The following SERINC2 variants were observed in gnomAD, a reference collection of about 807,000 sequenced individuals.
The protein encoded by SERINC2 is serine incorporator 2, also known as tumor differentially expressed protein 2.
SERINC2 carries 56 observed loss-of-function variants against 54.2 expected under a neutral mutation model. The ratio of observed to expected loss-of-function variants is 1.03; its 90% CI spans 0.83 to 1.29. The LOEUF (loss-of-function observed/expected upper bound fraction) is 1.29. Ranked by LOEUF, SERINC2 falls within the 50% of genes most tolerant of loss-of-function variation. SERINC2 has a pLI of 0.00. For synonymous variants in SERINC2, 272 were observed against 253.1 expected, an observed-to-expected ratio of 1.07 and a Z score of -0.71; for missense variants, 614 against 607.4, an observed-to-expected ratio of 1.01 and a Z score of -0.12.
At chr1:31,423,559 C>T in intron 1 of SERINC2, 134 bp from the exon 2 acceptor site, 2 of 913,642 alleles carry the variant, frequency 2.2e-6, no homozygotes, top group Non-Finnish European at 3.2e-6. Context: ...CCTGAAAGTT[C>T]AATGGGCTGG....
At chr1:31,414,852 G>T in intron 1 of SERINC2, 1 of 857,124 alleles carries the variant, frequency 1.2e-6, no homozygotes, top group Non-Finnish European at 1.4e-6. Flanking sequence ...TGTGTGCCTT[G>T]GTCACCCCAT....
At chr1:31,430,517 G>A (rs1641166571) in intron 8 of SERINC2, among the ~76,000 whole-genome samples, 1 of 151,904 alleles carries the variant, frequency 6.6e-6, no homozygotes, top group African/African-American at 2.4e-5. Context: ...AAAAGGTTTT[G>A]TAATTAGTCA....
intron 6 of SERINC2, among the ~76,000 whole-genome samples, chr1:31,428,568 G>C (rs1329435505): frequency 6.6e-6 from 1 of 152,212 alleles, no homozygotes; most frequent in African/African-American, 2.4e-5. Flanking sequence ...GAATACTGAA[G>C]AGGCGCTGCC....
Position 31,425,849 on chromosome 1 carries a change from G to A in SERINC2, c.546G>A (p.Ala182=), listed in dbSNP as rs781910222. The A allele has an allele frequency of 3.2e-5, 51 of 1,613,438 alleles. No homozygotes were observed. The highest frequency in any genetic ancestry group is 1.8e-4 in the East Asian group (8 of 44,890). ...LIQLVLLIDF[A]HSWNQRWLGK... Reference sequence around the variant, plus strand: ...AGCTGGTGCTGCTCATCGACTTTGCGCACTCCTGGAACCAGCGGTGGCTGG... The same window carrying A: ...AGCTGGTGCTGCTCATCGACTTTGCACACTCCTGGAACCAGCGGTGGCTGG... Residue 182 remains alanine (A), a synonymous_variant, in exon 5 of 10, where the codon GCG becomes GCA. Coordinates refer to ENST00000373709, the MANE Select transcript of SERINC2 (RefSeq NM_178865.5).
At chr1:31,419,658 T>C (rs1307889241) in intron 1 of SERINC2, among the ~76,000 whole-genome samples, 2 of 152,148 alleles carry the variant, frequency 1.3e-5, no homozygotes, top group African/African-American at 4.8e-5. Context: ...GAAAACCCTG[T>C]ATCTACCAAA....
chr1:31,411,043 A>G (rs552931967), upstream of SERINC2, among the ~76,000 whole-genome samples: 4 of 152,254 alleles, frequency 2.6e-5, no homozygotes, highest in South Asian at 8.3e-4. Context: ...ACTTATGGTA[A>G]AAGGTCAGAC....
intron 1 of SERINC2, among the ~76,000 whole-genome samples, chr1:31,422,267 C>T (rs1334397607): frequency 6.6e-6 from 1 of 150,636 alleles, no homozygotes; most frequent in African/African-American, 2.4e-5. Flanking sequence ...CCACTGCACT[C>T]CAGCCTGGGT....
At chr1:31,426,848 C>T in intron 6 of SERINC2, 25 bp downstream of exon 6, 1 of 1,606,056 alleles carries the variant, frequency 6.2e-7, no homozygotes, top group Non-Finnish European at 8.5e-7. Context: ...CCCCCCCTGG[C>T]CTGAAGCCCG....
upstream of SERINC2, chr1:31,410,336 G>A: frequency 6.5e-7 from 1 of 1,548,290 alleles, no homozygotes. Context: ...CATCTCCTCA[G>A]TAGTCCCCTC....
upstream of SERINC2, chr1:31,410,445 G>A: frequency 1.9e-6 from 3 of 1,550,290 alleles, no homozygotes; most frequent in South Asian, 3.6e-5. Context: ...AGTGAGTTAT[G>A]CCTTCCATGC....
At chr1:31,415,535 G>A (rs1384908579) in intron 1 of SERINC2, among the ~76,000 whole-genome samples, 2 of 152,216 alleles carry the variant, frequency 1.3e-5, no homozygotes, top group African/African-American at 2.4e-5. Flanking sequence ...ATACAGTAGT[G>A]AGCAGTATGT....
intron 2 of SERINC2, among the ~76,000 whole-genome samples, chr1:31,424,413 C>A (rs1557493115): frequency 2.0e-5 from 3 of 152,144 alleles, no homozygotes; most frequent in Admixed American, 2.0e-4. Context: ...CTTTAGACAG[C>A]GCAATAGTTT....
At chr1:31,416,909 G>C (rs1016058923) in intron 1 of SERINC2, among the ~76,000 whole-genome samples, 7 of 151,920 alleles carry the variant, frequency 4.6e-5, no homozygotes, top group African/African-American at 1.7e-4. Context: ...TAATAGAGAC[G>C]GGGTTTCACC....
In SERINC2 at chr1:31,429,001, GC is replaced by G. The variant is rs1553134009; in HGVS notation, c.805del (p.Leu269CysfsTer79). The G allele has an allele frequency of 1.2e-6, 2 of 1,613,834 alleles. No individual in the cohort carries two copies. Among genetic ancestry groups the G allele is most frequent in the African/African-American group, 2.7e-5 (2 of 74,868 alleles). Reference sequence around the variant, plus strand: ...AGGACGCCCAGCCCAACTCGGGTCTGCTGCAGGCCTCGGTCATCACCCTCTA... The same window carrying G: ...AGGACGCCCAGCCCAACTCGGGTCTGTGCAGGCCTCGGTCATCACCCTCTA... The part of the protein sequence containing the change: ...VQDAQPNSGL[L>X]QASVITLYTM... On this transcript the variant is annotated frameshift_variant, in exon 7 of 10. Coordinates refer to ENST00000373709, the MANE Select transcript of SERINC2 (RefSeq NM_178865.5). LOFTEE classifies it high-confidence loss of function.
intron 6 of SERINC2, among the ~76,000 whole-genome samples, chr1:31,428,603 T>C (rs2095883): frequency 0.4 from 60,579 of 151,786 alleles, 12,288 homozygotes; most frequent in African/African-American, 0.45. Flanking sequence ...GGGAAGGAAC[T>C]TGTCAGAGGG....
At position 31,413,924 on chromosome 1, in the gene SERINC2, C is replaced by G. The variant is rs879960290; in HGVS notation, c.39+620C>G. On this transcript the variant is annotated intron_variant, in intron 1 of 9. Coordinates refer to ENST00000373709, the MANE Select transcript of SERINC2 (RefSeq NM_178865.5). This position sits in a 1 kb window ranked among gnomAD's most constrained non-coding sequence, Gnocchi z 5.0. ...GTCCGTCCCTCAGTCTCTCTGCGGTCCCTTTACCGTCCTCAGTCTGGCTCG... is the reference window on the plus strand; with the variant it reads ...GTCCGTCCCTCAGTCTCTCTGCGGTGCCTTTACCGTCCTCAGTCTGGCTCG... 12 of 1,513,578 alleles carry G rather than the reference C, an allele frequency of 7.9e-6. No homozygotes were observed. The highest frequency in any genetic ancestry group is 1.1e-5 in the Non-Finnish European group (12 of 1,137,818). The allele number at this position is 1,513,578 out of a possible 1,614,324, so 93.8% of individuals were successfully genotyped here.
chr1:31,425,235 T>G, intron 3 of SERINC2, 95 bp from the exon 4 acceptor site: 1 of 923,198 alleles, frequency 1.1e-6, no homozygotes, highest in Non-Finnish European at 1.8e-6. Context: ...GCACCTGCTG[T>G]TTGTGGGTGG....
In SERINC2 at chr1:31,424,767, G is replaced by A. The variant is rs782086365; in HGVS notation, c.286G>A (p.Ala96Thr). Residue 96 changes from alanine (A) to threonine (T), a missense_variant, in exon 3 of 10, where the codon GCT (alanine) becomes ACT (threonine). Transcript: ENST00000373709. ...CTGTGGCTCCCTGCTTGGCTACCGC[G>A]CTGTCTACCGCATGTGCTTCGCCAC... ...IDCGSLLGYR[A>T]VYRMCFATAA... The A allele has an allele frequency of 1.1e-5, 17 of 1,611,680 alleles. No individual in the cohort carries two copies. In the South Asian group the frequency reaches 1.2e-4, roughly 12 times the overall value.
Position 31,425,872 on chromosome 1 carries a change from TG to T in SERINC2, c.572del (p.Gly191AlafsTer32). 6.2e-7 allele frequency: 1 copy of T among 1,613,342 alleles called. No individual in the cohort carries two copies. The highest frequency in any genetic ancestry group is 8.5e-7 in the Non-Finnish European group (1 of 1,179,914). On this transcript the variant is annotated frameshift_variant, in exon 5 of 10. Transcript: ENST00000373709. LOFTEE classifies it high-confidence loss of function. ...DFAHSWNQRW[L>X]GKAEECDSRA... The stretch of plus-strand genomic sequence containing the variant: ...GCGCACTCCTGGAACCAGCGGTGGC[TG>T]GGCAAGGCCGAGGAGTGCGATTCCC...
Sources: allele counts gnomAD v4.1 joint callset (sites outside exome capture counted in the v4.1 genomes callset), GRCh38; gene constraint gnomAD v4.1.1; non-coding constraint Gnocchi (gnomAD v3.1); transcripts MANE v1.5; gene names NCBI Gene and HGNC (gene_info 2026-07-23, HGNC 2026-07-21).